The following GALNTL6 variants were observed in gnomAD, a reference collection of about 807,000 sequenced individuals.
GALNTL6 encodes polypeptide N-acetylgalactosaminyltransferase like 6.
Under a neutral mutation model 73.7 loss-of-function variants are expected in GALNTL6, and 46 were observed. The ratio of observed to expected loss-of-function variants is 0.62; its 90% CI spans 0.49 to 0.80. The LOEUF is 0.80. Among genes scored for constraint, GALNTL6 ranks in the 30% least tolerant of loss-of-function variants. The probability of loss-of-function intolerance (pLI) is 0.00; values close to 1 mark genes in which losing one functional copy is unlikely to be tolerated. For synonymous variants in GALNTL6, 259 were observed against 263.7 expected (o/e 0.98, Z 0.17); for missense variants, 604 against 755.0 (o/e 0.80, Z 2.34).
chr4:172,457,361 A>C (rs545309447), intron 5 of GALNTL6, among the ~76,000 whole-genome samples: 1 of 152,210 alleles, frequency 6.6e-6, no homozygotes, highest in Non-Finnish European at 1.5e-5. Flanking sequence ...CACACATAAC[A>C]ATATTAACCT....
At chr4:172,046,965 A>G (rs866496637) in intron 2 of GALNTL6, among the ~76,000 whole-genome samples, 1 of 152,238 alleles carries the variant, frequency 6.6e-6, no homozygotes, top group African/African-American at 2.4e-5. Flanking sequence ...ACATCTAATC[A>G]TGCCATTTTT....
rs1468014772 is a variant in GALNTL6 at position 172,467,926 on chromosome 4, G to C, written c.553+119237G>C. 3.3e-5 allele frequency among the ~76,000 whole-genome samples: 4 copies of C among 122,842 alleles called. 1 individual carries two copies. In the Middle Eastern group the frequency reaches 0.026, roughly 798 times the overall value. 80.6% of individuals were successfully genotyped at this position (122,842 alleles called of 152,430 possible). Reference sequence around the variant, plus strand: ...TTTTTTTTACTTGAGGCAGGATCTTGCTCTGCCACCCAGGCTGAGTACAGT... The same window carrying C: ...TTTTTTTTACTTGAGGCAGGATCTTCCTCTGCCACCCAGGCTGAGTACAGT... On this transcript the variant is annotated intron_variant, in intron 5 of 12. Transcript: ENST00000506823.
chr4:172,777,237 G>T (rs924151849), intron 5 of GALNTL6, among the ~76,000 whole-genome samples: 1 of 152,066 alleles, frequency 6.6e-6, no homozygotes, highest in Non-Finnish European at 1.5e-5. Context: ...ACAGGCATTG[G>T]AAATTATTTA....
At chr4:171,961,402 A>T (rs564937883) in intron 2 of GALNTL6, among the ~76,000 whole-genome samples, 1 of 152,282 alleles carries the variant, frequency 6.6e-6, no homozygotes, top group African/African-American at 2.4e-5. Flanking sequence ...TAGGTATTTG[A>T]TGGTACAAAC....
At chr4:173,016,884 C>T (rs1230571576) in intron 11 of GALNTL6, among the ~76,000 whole-genome samples, 1 of 152,092 alleles carries the variant, frequency 6.6e-6, no homozygotes, top group Non-Finnish European at 1.5e-5. Context: ...TTGTAGTTCC[C>T]ATAATCCCCA....
intron 5 of GALNTL6, among the ~76,000 whole-genome samples, chr4:172,675,017 T>A (rs1343754422): frequency 6.6e-6 from 1 of 152,216 alleles, no homozygotes; most frequent in Non-Finnish European, 1.5e-5. Flanking sequence ...GCTGGAGACA[T>A]GATGCAGTCA....
At chr4:171,908,783 G>A (rs952323800) in intron 2 of GALNTL6, among the ~76,000 whole-genome samples, 1 of 151,008 alleles carries the variant, frequency 6.6e-6, no homozygotes, top group Non-Finnish European at 1.5e-5. Context: ...GGAAAATGTG[G>A]CACATATACA....
intron 2 of GALNTL6, among the ~76,000 whole-genome samples, chr4:171,982,436 T>C (rs1739928020): frequency 6.6e-6 from 1 of 152,106 alleles, no homozygotes; most frequent in Admixed American, 6.5e-5. Context: ...TAGCTGGGAC[T>C]ACAGGCGCCC....
At chr4:172,344,053 T>G (rs1475161093) in intron 4 of GALNTL6, among the ~76,000 whole-genome samples, 2 of 152,180 alleles carry the variant, frequency 1.3e-5, no homozygotes, top group African/African-American at 4.8e-5. Context: ...CCTAGAAACC[T>G]ATTTCAACAC....
intron 8 of GALNTL6, among the ~76,000 whole-genome samples, chr4:172,930,865 A>G (rs923390692): frequency 3.9e-5 from 6 of 152,068 alleles, no homozygotes; most frequent in African/African-American, 1.2e-4. Context: ...TGGTTTCGTC[A>G]TGTTGCCCAG....
chr4:172,582,062 A>T (rs1336928353), intron 5 of GALNTL6, among the ~76,000 whole-genome samples: 2 of 152,154 alleles, frequency 1.3e-5, no homozygotes, highest in Non-Finnish European at 2.9e-5. Flanking sequence ...TTTTTCTTAG[A>T]ACTGGCTGTC....
At chr4:171,907,999 A>G (rs1236019938) in intron 2 of GALNTL6, among the ~76,000 whole-genome samples, 1 of 151,976 alleles carries the variant, frequency 6.6e-6, no homozygotes, top group Non-Finnish European at 1.5e-5. Flanking sequence ...TTAATTCAAG[A>G]TGGATTAAAG....
chr4:172,477,196 AG>A (rs1733269406), intron 5 of GALNTL6, among the ~76,000 whole-genome samples: 1 of 150,420 alleles, frequency 6.6e-6, no homozygotes, highest in African/African-American at 2.4e-5. Flanking sequence ...AAGCAGAGAG[AG>A]AGAGAGAGCA....
At chr4:172,534,683 C>T (rs908349954) in intron 5 of GALNTL6, among the ~76,000 whole-genome samples, 7 of 152,100 alleles carry the variant, frequency 4.6e-5, no homozygotes, top group Non-Finnish European at 7.4e-5. Flanking sequence ...ATTCTCCTGC[C>T]TCAGCCTCCT....
chr4:173,023,174 A>C (rs1753085969), intron 12 of GALNTL6, among the ~76,000 whole-genome samples: 1 of 152,208 alleles, frequency 6.6e-6, no homozygotes, highest in African/African-American at 2.4e-5. Context: ...GTGGAGAGTC[A>C]GTGTGGGGAG....
chr4:172,714,508 T>C (rs944839270), intron 5 of GALNTL6, among the ~76,000 whole-genome samples: 3 of 152,106 alleles, frequency 2.0e-5, no homozygotes, highest in African/African-American at 7.2e-5. Flanking sequence ...ACATTAATAG[T>C]GGTTGAACAT....
chr4:172,432,405 G>T (rs1731487696), intron 5 of GALNTL6, among the ~76,000 whole-genome samples: 1 of 151,796 alleles, frequency 6.6e-6, no homozygotes, highest in African/African-American at 2.4e-5. Context: ...ACTGAAACAT[G>T]AGCAGAATAA....
intron 8 of GALNTL6, among the ~76,000 whole-genome samples, chr4:172,928,093 C>T (rs1748151128): frequency 6.6e-6 from 1 of 152,224 alleles, no homozygotes; most frequent in East Asian, 1.9e-4. Context: ...CAATAGTCCA[C>T]TGCCAGTTTT....
At chr4:172,767,588 TA>T (rs1385345484) in intron 5 of GALNTL6, among the ~76,000 whole-genome samples, 2 of 151,894 alleles carry the variant, frequency 1.3e-5, no homozygotes, top group African/African-American at 2.4e-5. Flanking sequence ...CTAGTAAAAC[TA>T]GAAATGTATA....
Sources: gnomAD v4.1 joint callset for allele counts (sites outside exome capture counted in the v4.1 genomes callset) on GRCh38, gnomAD v4.1.1 for gene constraint, MANE v1.5 for transcripts, NCBI Gene and HGNC (gene_info 2026-07-23, HGNC 2026-07-21) for gene names.